The following PRKN variants were observed in gnomAD, a reference collection of about 807,000 sequenced individuals.
The protein encoded by PRKN is E3 ubiquitin-protein ligase parkin.
PRKN carries 56 observed loss-of-function variants against 59.5 expected under a neutral mutation model. The ratio of observed to expected loss-of-function variants is 0.94; its 90% CI spans 0.76 to 1.18. The LOEUF is 1.18. Among genes scored for constraint, PRKN ranks in the 50% most tolerant of loss-of-function variants. The pLI, the probability that PRKN is intolerant of heterozygous loss-of-function variation, is 0.00. For synonymous variants in PRKN, 250 were observed against 222.1 expected (o/e 1.13, Z -1.12); for missense variants, 657 against 596.4 (o/e 1.10, Z -1.06).
rs564079460 is a variant in PRKN, at chr6:162,155,159, C to T, written c.534+45972G>A. On this transcript the variant is annotated intron_variant, in intron 4 of 11. Transcript: ENST00000366898. ...GCTGTTTCCATTGAAAAATTACTTC[C>T]CATTAGGAGATGAACAAAATGCAGC... Among the ~76,000 whole-genome samples, 79 of 151,518 alleles carry T rather than the reference C, an allele frequency of 5.2e-4. 1 individual carries two copies. In the South Asian group the frequency reaches 9.6e-3, roughly 18 times the overall value.
intron 1 of PRKN, among the ~76,000 whole-genome samples, chr6:162,670,916 C>A (rs1278131206): frequency 1.3e-5 from 2 of 152,072 alleles, no homozygotes; most frequent in Non-Finnish European, 2.9e-5. Context: ...CAAACTACGA[C>A]TTAAGAATTA....
intron 1 of PRKN, among the ~76,000 whole-genome samples, chr6:162,723,234 T>C (rs2128241060): frequency 6.6e-6 from 1 of 152,244 alleles, no homozygotes; most frequent in East Asian, 1.9e-4. Flanking sequence ...CTGGAATCAC[T>C]GGATCTGCTT....
chr6:161,860,651 G>C (rs1793859591), intron 6 of PRKN, among the ~76,000 whole-genome samples: 1 of 151,970 alleles, frequency 6.6e-6, no homozygotes, highest in South Asian at 2.1e-4. Context: ...TTAGACTTTT[G>C]TCAGGTGGGT....
chr6:162,605,388 C>T (rs888909554), intron 1 of PRKN, among the ~76,000 whole-genome samples: 30 of 151,960 alleles, frequency 2.0e-4, no homozygotes, highest in African/African-American at 7.3e-4. Context: ...CCACAGAGTC[C>T]AATAGCAGTG....
chr6:161,483,669 G>T lies in PRKN; in HGVS notation c.1083+65185C>A, dbSNP rs1791520434. Reference sequence around the variant, plus strand: ...GAGAGCACATTGGTAGCTCAAATAGGCTATTACTCACTGTGACCTCTTCTA... The same window carrying T: ...GAGAGCACATTGGTAGCTCAAATAGTCTATTACTCACTGTGACCTCTTCTA... On this transcript the variant is annotated intron_variant, in intron 9 of 11. Coordinates refer to ENST00000366898, the MANE Select transcript of PRKN (RefSeq NM_004562.3). This position sits in a 1 kb window ranked among gnomAD's most constrained non-coding sequence, Gnocchi z 5.0. Among the ~76,000 whole-genome samples the T allele has an allele frequency of 6.6e-6, 1 of 152,078 alleles. No individual in the cohort carries two copies.
At chr6:162,301,564 G>T (rs1291600177) in intron 2 of PRKN, among the ~76,000 whole-genome samples, 1 of 151,980 alleles carries the variant, frequency 6.6e-6, no homozygotes, top group Non-Finnish European at 1.5e-5. Context: ...TCCTGCGTTG[G>T]TCTTCAGATA....
intron 9 of PRKN, among the ~76,000 whole-genome samples, chr6:161,500,230 T>C (rs972211253): frequency 6.6e-6 from 1 of 152,064 alleles, no homozygotes; most frequent in African/African-American, 2.4e-5. Flanking sequence ...CTCTCCCCTA[T>C]ACATGCACAG....
chr6:162,658,305 C>G (rs1204617619), intron 1 of PRKN, among the ~76,000 whole-genome samples: 1 of 152,146 alleles, frequency 6.6e-6, no homozygotes. Flanking sequence ...AAGAGTCATA[C>G]AACGAGATAA....
At chr6:161,521,456 G>A (rs1177735128) in intron 9 of PRKN, among the ~76,000 whole-genome samples, 4 of 152,192 alleles carry the variant, frequency 2.6e-5, no homozygotes, top group Non-Finnish European at 4.4e-5. Flanking sequence ...TAAAGATACA[G>A]TGGTTGCCCT....
At chr6:162,511,767 GC>G (rs1777628524) in intron 1 of PRKN, among the ~76,000 whole-genome samples, 1 of 152,038 alleles carries the variant, frequency 6.6e-6, no homozygotes, top group African/African-American at 2.4e-5. Flanking sequence ...AGTCTAACCA[GC>G]CCCCCATGAT....
chr6:162,269,213 G>A (rs1206022316), intron 2 of PRKN, among the ~76,000 whole-genome samples: 1 of 152,088 alleles, frequency 6.6e-6, no homozygotes. Flanking sequence ...TAGTTTCTTT[G>A]TATGCGTTGC....
intron 1 of PRKN, among the ~76,000 whole-genome samples, chr6:162,588,061 A>T (rs1781139606): frequency 6.7e-6 from 1 of 148,504 alleles, no homozygotes; most frequent in South Asian, 2.2e-4. Context: ...CCCAAGCTAG[A>T]GTGCAGTGGC....
At chr6:162,063,644 A>C (rs1279429773) in intron 4 of PRKN, among the ~76,000 whole-genome samples, 1 of 151,074 alleles carries the variant, frequency 6.6e-6, no homozygotes, top group Non-Finnish European at 1.5e-5. Context: ...TCCCAGGTTC[A>C]AGTGATACTC....
At chr6:162,039,537 G>A (rs1783982418) in intron 5 of PRKN, among the ~76,000 whole-genome samples, 1 of 152,150 alleles carries the variant, frequency 6.6e-6, no homozygotes, top group Admixed American at 6.5e-5. Flanking sequence ...CTTTCCCCAT[G>A]GGACCTCTGC....
At chr6:162,082,705 C>T (rs1779104279) in intron 4 of PRKN, among the ~76,000 whole-genome samples, 1 of 152,030 alleles carries the variant, frequency 6.6e-6, no homozygotes, top group African/African-American at 2.4e-5. Context: ...GCCATTCCTC[C>T]TTTCACTTGA....
intron 6 of PRKN, among the ~76,000 whole-genome samples, chr6:161,894,337 C>A (rs186016503): frequency 7.2e-5 from 11 of 152,226 alleles, no homozygotes; most frequent in African/African-American, 2.7e-4. Flanking sequence ...TAACATCTCT[C>A]TTCACCCCAG....
intron 7 of PRKN, among the ~76,000 whole-genome samples, chr6:161,665,715 T>G (rs1387968557): frequency 6.6e-6 from 1 of 152,184 alleles, no homozygotes; most frequent in Non-Finnish European, 1.5e-5. Flanking sequence ...TGACTTCCAG[T>G]AGTGATTTTT....
At chr6:162,380,907 C>T (rs146073662) in intron 2 of PRKN, among the ~76,000 whole-genome samples, 121 of 152,152 alleles carry the variant, frequency 8.0e-4, no homozygotes, top group African/African-American at 2.7e-3. Flanking sequence ...ACTGTCAAGC[C>T]TCCCTTTTTG....
At chr6:161,902,549 T>TCTATCTATCTATCTA (rs55730017) in intron 6 of PRKN, among the ~76,000 whole-genome samples, 1 of 96,964 alleles carries the variant, frequency 1.0e-5, no homozygotes, top group African/African-American at 3.3e-5. Flanking sequence ...TATCTATCTA[T>TCTATCTATCTATCTA]TTATTTATTT....
Sources: gnomAD v4.1 joint callset for allele counts (sites outside exome capture counted in the v4.1 genomes callset) on GRCh38, gnomAD v4.1.1 for gene constraint, Gnocchi (gnomAD v3.1) non-coding constraint, MANE v1.5 for transcripts, NCBI Gene and HGNC (gene_info 2026-07-23, HGNC 2026-07-21) for gene names.